Variants in SHKBP1 observed in about 807,000 individuals in gnomAD.
SHKBP1 encodes SH3KBP1 binding protein 1, also known as SH3KBP1-binding protein 1.
In SHKBP1, 71 loss-of-function variants were observed where a neutral mutation model predicts 83.9. The ratio of observed to expected loss-of-function variants is 0.85; its 90% CI spans 0.70 to 1.03. SHKBP1 has a LOEUF of 1.03. Among genes scored for constraint, SHKBP1 ranks in the 50% least tolerant of loss-of-function variants. The probability of loss-of-function intolerance (pLI) is 0.00; values close to 1 mark genes in which losing one functional copy is unlikely to be tolerated. For synonymous variants in SHKBP1, 371 were observed against 398.0 expected (o/e 0.93, Z 0.81); for missense variants, 824 against 982.4 (o/e 0.84, Z 2.16).
intron 6 of SHKBP1, among the ~76,000 whole-genome samples, chr19:40,579,428 G>A (rs1203123846): frequency 6.6e-6 from 1 of 152,132 alleles, no homozygotes; most frequent in African/African-American, 2.4e-5. Context: ...TTTGGAGGCC[G>A]AGACAGGTGG....
intron 4 of SHKBP1, 28 bp downstream of exon 4, chr19:40,577,658 CCTCA>C (rs753240426): frequency 6.2e-7 from 1 of 1,611,882 alleles, no homozygotes; most frequent in South Asian, 1.1e-5. Flanking sequence ...GGAGGGAGTC[CCTCA>C]CTGTCTTCAG....
intron 12 of SHKBP1, 28 bp from the exon 13 acceptor site, chr19:40,586,746 C>T (rs1300361321): frequency 1.3e-6 from 2 of 1,518,988 alleles, no homozygotes; most frequent in Admixed American, 2.1e-5. Flanking sequence ...TGGCCCAGGC[C>T]CTCTCCTCAT....
rs769481301 is a variant in SHKBP1, at chr19:40,576,968, G to A, written c.69G>A (p.Leu23=). The change falls in exon 1 of 18, where the codon CTG becomes CTA. Residue 23 remains leucine, a synonymous_variant. Transcript: ENST00000291842. ...GGCCTCCCGGGGAAGTCATTCATCT[G>A]AATGTGGGAGGCAAGAGGTGAGTGT... is the stretch of plus-strand genomic sequence containing the variant. ...SRGPPGEVIH[L]NVGGKRFSTS... is the part of the protein sequence containing the mutation. 6.6e-7 allele frequency: 1 copy of A among 1,516,054 alleles called. No individual in the cohort carries two copies. The highest frequency in any genetic ancestry group is 2.4e-5 in the East Asian group (1 of 41,310). 93.9% of individuals were successfully genotyped at this position (1,516,054 alleles called of 1,614,324 possible). A position where few individuals can be genotyped will look rare whatever the true frequency, so the allele number is the denominator to read the frequency against.
At chr19:40,577,691 ACCT>A in intron 4 of SHKBP1, 61 bp downstream of exon 4, 1 of 1,557,406 alleles carries the variant, frequency 6.4e-7, no homozygotes, top group Non-Finnish European at 8.9e-7. Context: ...GAGTTCTTTC[ACCT>A]CCTCTGAATG....
chr19:40,577,471 G>A (rs1025511203), intron 3 of SHKBP1, 30 bp downstream of exon 3: 2 of 1,613,416 alleles, frequency 1.2e-6, no homozygotes, highest in Non-Finnish European at 1.7e-6. Context: ...AAATGGGATG[G>A]GGGGGAGGGG....
chr19:40,578,864 T>A (rs1364999165), intron 6 of SHKBP1, among the ~76,000 whole-genome samples: 1 of 151,974 alleles, frequency 6.6e-6, no homozygotes, highest in Non-Finnish European at 1.5e-5. Context: ...TAATAGGAAG[T>A]TATTGACAGT....
chr19:40,582,370 G>A lies in SHKBP1; in HGVS notation c.864G>A (p.Val288=). The A allele has an allele frequency of 6.2e-7, 1 of 1,614,138 alleles. No homozygotes were observed. The highest frequency in any genetic ancestry group is 8.5e-7 in the Non-Finnish European group (1 of 1,180,018). ...CTGCAGGGGTCTTTCATCTGGGGGT[G>A]CCTGTGGAGGCCTTGTTCTTCGTCG... ...GSEIGVFHLG[V]PVEALFFVGN... is the part of the protein sequence containing the mutation. Residue 288 remains valine (V), a synonymous_variant, in exon 10 of 18, where the codon GTG becomes GTA. Coordinates refer to ENST00000291842, the MANE Select transcript of SHKBP1 (RefSeq NM_138392.4).
Position 40,591,156 on chromosome 19 carries a change from C to T in SHKBP1, c.2073C>T (p.Leu691=), listed in dbSNP as rs376959424. ...PTPAPWPSSG[L]GTPLTPPKMK... is the part of the protein sequence containing the mutation. The stretch of plus-strand genomic sequence containing the variant: ...CAGCCCCGTGGCCCTCCAGCGGTCT[C>T]GGCACTCCCCTCACACCTCCCAAGA... Residue 691 remains leucine (L), a synonymous_variant, in exon 18 of 18, where the codon CTC becomes CTT. Transcript: ENST00000291842. 19 of 1,602,894 alleles carry T rather than the reference C, an allele frequency of 1.2e-5. No homozygotes were observed. Among genetic ancestry groups the T allele is most frequent in the African/African-American group, 5.4e-5 (4 of 74,764 alleles).
chr19:40,583,900 G>A (rs542090579), intron 12 of SHKBP1, among the ~76,000 whole-genome samples, 183 bp downstream of exon 12: 51 of 152,186 alleles, frequency 3.4e-4, no homozygotes, highest in Middle Eastern at 3.4e-3. Flanking sequence ...GAGTGCAGTG[G>A]TGCAATCTTG....
intron 14 of SHKBP1, 42 bp from the exon 15 acceptor site, chr19:40,589,040 G>A: frequency 3.2e-6 from 5 of 1,580,552 alleles, no homozygotes; most frequent in Non-Finnish European, 8.6e-7. Flanking sequence ...TGAGGCTGAG[G>A]GAATCCCAGC....
intron 9 of SHKBP1, among the ~76,000 whole-genome samples, chr19:40,581,612 A>T (rs112389314): frequency 1.3e-5 from 2 of 151,898 alleles, no homozygotes; most frequent in Admixed American, 1.3e-4. Context: ...TTGGGAGGCC[A>T]TGGCAGGAGG....
chr19:40,577,677 TGAG>T lies in SHKBP1; in HGVS notation c.260+51_260+53del, dbSNP rs758738246. The T allele has an allele frequency of 9.4e-6, 15 of 1,594,006 alleles. No individual in the cohort carries two copies. The South Asian group carries it at 1.3e-4, about 14-fold the overall frequency. On this transcript the variant is annotated intron_variant, in intron 4 of 17. Transcript: ENST00000291842. ...GGAGTCCCTCACTGTCTTCAGTCCC[TGAG>T]GAGTTCTTTCACCTCCTCTGAATGT...
Position 40,583,396 on chromosome 19 carries a change from A to C in SHKBP1, c.961-2A>C. 6.4e-7 allele frequency: 1 copy of C among 1,571,840 alleles called. No individual in the cohort carries two copies. The highest frequency in any genetic ancestry group is 8.6e-7 in the Non-Finnish European group (1 of 1,158,058). On this transcript the variant is annotated splice_acceptor_variant, in intron 10 of 17. Transcript: ENST00000291842. LOFTEE classifies it high-confidence loss of function. ...CTGCAGCCTGTCCTGCCCCACCCCC[A>C]GGTCCAGGAGGTGCAGCCCATCACC...
rs2081349939 is a variant in SHKBP1 at position 40,590,521 on chromosome 19, C to T, written c.1768+99C>T. 2.1e-6 allele frequency: 3 copies of T among 1,398,870 alleles called. No homozygotes were observed. Among genetic ancestry groups the T allele is most frequent in the Non-Finnish European group, 2.9e-6 (3 of 1,028,380 alleles). 86.7% of individuals were successfully genotyped at this position (1,398,870 alleles called of 1,614,324 possible). A position where few individuals can be genotyped will look rare whatever the true frequency, so the allele number is the denominator to read the frequency against. On this transcript the variant is annotated intron_variant, in intron 16 of 17. Coordinates refer to ENST00000291842, the MANE Select transcript of SHKBP1 (RefSeq NM_138392.4). This position sits in a 1 kb window ranked among gnomAD's most constrained non-coding sequence, Gnocchi z 4.6. ...CTTGATCTCTCTCCCAGGCCCTTGC[C>T]CTCTGACCCCTTTTCCTTTGACCCC...
At chr19:40,581,532 A>AAC (rs1555723895) in intron 9 of SHKBP1, among the ~76,000 whole-genome samples, 14 of 146,792 alleles carry the variant, frequency 9.5e-5, no homozygotes, top group Admixed American at 2.0e-4. Context: ...TCAAAAAAAA[A>AAC]AAAAAAACAA....
chr19:40,590,721 GC>G lies in SHKBP1; in HGVS notation c.1769-3del. The G allele has an allele frequency of 8.2e-6, 13 of 1,576,104 alleles. No homozygotes were observed. The highest frequency in any genetic ancestry group is 9.5e-6 in the Non-Finnish European group (11 of 1,155,706). Reference sequence around the variant, plus strand: ...TCTTGCCCCCTGACCCTGCTTCCGTGCCCCCCAGCAGGTGGCCTGACGGAGC... The same window carrying G: ...TCTTGCCCCCTGACCCTGCTTCCGTGCCCCCAGCAGGTGGCCTGACGGAGC... On this transcript the variant is annotated splice_polypyrimidine_tract_variant and splice_region_variant and intron_variant, in intron 16 of 17. Transcript: ENST00000291842. The surrounding 1 kb of genome is among the most constrained non-coding windows in gnomAD (Gnocchi z 4.6).
At chr19:40,581,376 G>A (rs1052542301) in intron 9 of SHKBP1, among the ~76,000 whole-genome samples, 1 of 152,054 alleles carries the variant, frequency 6.6e-6, no homozygotes, top group African/African-American at 2.4e-5. Context: ...TTAGCTGGGT[G>A]TGGTGGCACG....
chr19:40,577,790 C>G (rs1448788314), intron 4 of SHKBP1, 160 bp downstream of exon 4: 7 of 889,282 alleles, frequency 7.9e-6, no homozygotes, highest in African/African-American at 1.7e-5. Flanking sequence ...GCCTGTAATC[C>G]CAACACTTTG....
At chr19:40,589,998 G>A (rs946640781) in intron 15 of SHKBP1, among the ~76,000 whole-genome samples, 6 of 151,996 alleles carry the variant, frequency 3.9e-5, no homozygotes, top group Non-Finnish European at 7.4e-5. Flanking sequence ...CAGCTGGGAC[G>A]GGCCTCAGGT....
Sources: gnomAD v4.1 joint callset for allele counts (sites outside exome capture counted in the v4.1 genomes callset) on GRCh38, gnomAD v4.1.1 for gene constraint, Gnocchi (gnomAD v3.1) non-coding constraint, MANE v1.5 for transcripts, NCBI Gene and HGNC (gene_info 2026-07-23, HGNC 2026-07-21) for gene names.